Variants in MALRD1 observed in about 807,000 individuals in gnomAD.
The protein encoded by MALRD1 is MAM and LDL receptor class A domain containing 1.
MALRD1 carries 247 observed loss-of-function variants against 242.1 expected under a neutral mutation model. The ratio of observed to expected loss-of-function variants is 1.02; its 90% CI spans 0.92 to 1.13. The LOEUF is 1.13. Among genes scored for constraint, MALRD1 ranks in the 50% most tolerant of loss-of-function variants. The probability of loss-of-function intolerance (pLI) is 0.00; values close to 1 mark genes in which losing one functional copy is unlikely to be tolerated. For missense variants in MALRD1, 2,989 were observed against 2,533.1 expected (o/e 1.18, Z -3.86); for synonymous variants, 995 against 866.6 (o/e 1.15, Z -2.60).
At chr10:19,235,760 A>ATTCAGGAT (rs1564488989) in intron 18 of MALRD1, among the ~76,000 whole-genome samples, 2 of 152,144 alleles carry the variant, frequency 1.3e-5, no homozygotes, top group Non-Finnish European at 2.9e-5. Flanking sequence ...AACAGGGATC[A>ATTCAGGAT]TTCAGGATTC....
chr10:19,587,164 G>C (rs1210215767), intron 33 of MALRD1, among the ~76,000 whole-genome samples: 1 of 152,218 alleles, frequency 6.6e-6, no homozygotes, highest in Non-Finnish European at 1.5e-5. Context: ...ACCTCAGATG[G>C]AAATGCAGAA....
At chr10:19,086,889 G>C (rs1835686468) in intron 2 of MALRD1, among the ~76,000 whole-genome samples, 1 of 151,938 alleles carries the variant, frequency 6.6e-6, no homozygotes, top group African/African-American at 2.4e-5. Flanking sequence ...GGAGAGTTTT[G>C]TGTCTGTTCC....
chr10:19,656,363 C>T (rs1238449151), intron 36 of MALRD1, among the ~76,000 whole-genome samples: 1 of 152,038 alleles, frequency 6.6e-6, no homozygotes, highest in East Asian at 1.9e-4. Context: ...CCTATATATT[C>T]CTCTTATAAT....
chr10:19,350,656 G>T (rs1166094134), intron 25 of MALRD1, among the ~76,000 whole-genome samples: 1 of 152,194 alleles, frequency 6.6e-6, no homozygotes, highest in African/African-American at 2.4e-5. Flanking sequence ...GGAAATAGGG[G>T]TGTTGGTGCA....
chr10:19,288,351 T>C (rs558963938), intron 21 of MALRD1, among the ~76,000 whole-genome samples: 1 of 152,224 alleles, frequency 6.6e-6, no homozygotes, highest in South Asian at 2.1e-4. Context: ...TTATTATCGA[T>C]GATAACAACC....
At chr10:19,271,216 C>T (rs1465578321) in intron 19 of MALRD1, among the ~76,000 whole-genome samples, 3 of 152,092 alleles carry the variant, frequency 2.0e-5, no homozygotes, top group African/African-American at 7.2e-5. Flanking sequence ...TGGCTAACTA[C>T]AATATATTTT....
intron 26 of MALRD1, among the ~76,000 whole-genome samples, chr10:19,369,184 T>A (rs1222197927): frequency 4.0e-5 from 1 of 24,942 alleles, no homozygotes; most frequent in Non-Finnish European, 8.7e-5. Flanking sequence ...AACTAATATA[T>A]TATATATAAG....
chr10:19,452,145 T>C (rs1835362976), intron 29 of MALRD1, among the ~76,000 whole-genome samples: 1 of 152,224 alleles, frequency 6.6e-6, no homozygotes, highest in African/African-American at 2.4e-5. Context: ...AAACTTTCTC[T>C]AAGATTTTAG....
intron 31 of MALRD1, among the ~76,000 whole-genome samples, chr10:19,528,522 G>T (rs1482332924): frequency 6.6e-6 from 1 of 152,108 alleles, no homozygotes; most frequent in Non-Finnish European, 1.5e-5. Context: ...GAACCCGGGA[G>T]GCAGAGGTTG....
intron 21 of MALRD1, among the ~76,000 whole-genome samples, chr10:19,299,821 C>T (rs1841866735): frequency 1.3e-5 from 2 of 151,862 alleles, no homozygotes; most frequent in African/African-American, 4.8e-5. Context: ...GACAAGGATG[C>T]CCACTCTCGT....
intron 8 of MALRD1, among the ~76,000 whole-genome samples, chr10:19,129,920 T>G (rs2131396486): frequency 6.7e-6 from 1 of 149,226 alleles, no homozygotes; most frequent in Non-Finnish European, 1.5e-5. Context: ...ATCACATATC[T>G]GTAGATATGT....
chr10:19,300,793 A>G (rs1473482938), intron 21 of MALRD1, among the ~76,000 whole-genome samples: 1 of 152,024 alleles, frequency 6.6e-6, no homozygotes, highest in Non-Finnish European at 1.5e-5. Context: ...TTCTGGACAT[A>G]TACCCTGGCA....
intron 21 of MALRD1, among the ~76,000 whole-genome samples, chr10:19,322,823 G>A (rs993600085): frequency 1.3e-5 from 2 of 152,102 alleles, no homozygotes; most frequent in Non-Finnish European, 2.9e-5. Context: ...TTAATAAGAA[G>A]CAAATTTAAA....
At chr10:19,603,113 A>T (rs1296240792) in intron 34 of MALRD1, among the ~76,000 whole-genome samples, 1 of 152,124 alleles carries the variant, frequency 6.6e-6, no homozygotes, top group African/African-American at 2.4e-5. Flanking sequence ...AGATGAGTAG[A>T]TTGCAAAAAT....
chr10:19,408,954 A>G (rs1833155007), intron 28 of MALRD1, among the ~76,000 whole-genome samples: 4 of 152,364 alleles, frequency 2.6e-5, no homozygotes, highest in Admixed American at 1.3e-4. Flanking sequence ...TGTTTATCCC[A>G]GAGAAATGAA....
intron 29 of MALRD1, among the ~76,000 whole-genome samples, chr10:19,464,377 G>T (rs1836115815): frequency 6.6e-6 from 1 of 152,144 alleles, no homozygotes; most frequent in African/African-American, 2.4e-5. Context: ...ATCTTGAGTT[G>T]ATTTTTGTAT....
intron 35 of MALRD1, among the ~76,000 whole-genome samples, chr10:19,610,332 A>G (rs1564482638): frequency 6.6e-6 from 1 of 151,820 alleles, no homozygotes; most frequent in East Asian, 1.9e-4. Context: ...CTTCTATCTA[A>G]TAGTAACTTT....
At chr10:19,182,299 AAC>A (rs1299859286) in intron 14 of MALRD1, among the ~76,000 whole-genome samples, 2 of 151,232 alleles carry the variant, frequency 1.3e-5, no homozygotes, top group African/African-American at 4.9e-5. Context: ...TTCCATTTTA[AAC>A]ACAGTCTGCC....
chr10:19,111,895 A>G (rs1046605080), intron 5 of MALRD1, among the ~76,000 whole-genome samples: 1 of 152,242 alleles, frequency 6.6e-6, no homozygotes. Context: ...GAGGAAAAAC[A>G]TAAAGCATTA....
Sources: gnomAD v4.1 joint callset for allele counts (sites outside exome capture counted in the v4.1 genomes callset) on GRCh38, gnomAD v4.1.1 for gene constraint, MANE v1.5 for transcripts, NCBI Gene and HGNC (gene_info 2026-07-23, HGNC 2026-07-21) for gene names.